The following KCNJ6 variants were observed in gnomAD, a reference collection of about 807,000 sequenced individuals.
KCNJ6 encodes G protein-activated inward rectifier potassium channel 2.
In KCNJ6, 9 loss-of-function variants were observed where a neutral mutation model predicts 34.2. The ratio of observed to expected loss-of-function variants is 0.26; its 90% CI spans 0.16 to 0.46. The LOEUF (loss-of-function observed/expected upper bound fraction) is 0.46, where lower values mean the gene tolerates loss of function less well. Ranked by LOEUF, KCNJ6 falls within the 20% of genes least tolerant of loss-of-function variation. The pLI is 1.00. For synonymous variants in KCNJ6, 196 were observed against 207.1 expected (o/e 0.95, Z 0.46); for missense variants, 236 against 531.3 (o/e 0.44, Z 5.46).
At chr21:37,802,378 G>A (rs551371942) in intron 2 of KCNJ6, among the ~76,000 whole-genome samples, 1 of 152,100 alleles carries the variant, frequency 6.6e-6, no homozygotes, top group African/African-American at 2.4e-5. Context: ...TTAAAGGAAG[G>A]CTCTTGTGAA....
intron 2 of KCNJ6, among the ~76,000 whole-genome samples, chr21:37,812,556 A>T (rs186903297): frequency 2.8e-4 from 42 of 152,362 alleles, no homozygotes; most frequent in African/African-American, 9.6e-4. Context: ...CACATTAAAA[A>T]GATCACTCAT....
At chr21:37,774,371 T>G (rs1371087084) in intron 2 of KCNJ6, among the ~76,000 whole-genome samples, 3 of 152,184 alleles carry the variant, frequency 2.0e-5, no homozygotes, top group Non-Finnish European at 4.4e-5. Flanking sequence ...TATTATACTT[T>G]AAGTTTTAGG....
At chr21:37,737,061 T>C (rs1296108226) in intron 2 of KCNJ6, among the ~76,000 whole-genome samples, 1 of 152,190 alleles carries the variant, frequency 6.6e-6, no homozygotes, top group East Asian at 1.9e-4. Flanking sequence ...TATTGTGTGA[T>C]GTTCTTTTCC....
intron 2 of KCNJ6, among the ~76,000 whole-genome samples, chr21:37,774,711 G>A (rs2055133833): frequency 6.6e-6 from 1 of 152,148 alleles, no homozygotes; most frequent in African/African-American, 2.4e-5. Flanking sequence ...AGTATTCCAT[G>A]GTGTATATGT....
In KCNJ6 at chr21:37,612,726, A is replaced by G. The variant is rs1367877026; in HGVS notation, c.*12433T>C. On this transcript the variant is annotated 3_prime_UTR_variant, in exon 4 of 4. Transcript: ENST00000609713. ...CTGCACATTTGCACATCCACAGGCA[A>G]AAAAAAAAAAAAAAAAAAGAGTCTA... is the stretch of plus-strand genomic sequence containing the variant. 4.7e-5 allele frequency: 1 copy of G among 21,146 alleles called. No individual in the cohort carries two copies. The highest frequency in any genetic ancestry group is 8.0e-5 in the Non-Finnish European group (1 of 12,576). 1.3% of individuals were successfully genotyped at this position (21,146 alleles called of 1,614,324 possible).
At chr21:37,875,097 C>T (rs555283221) in intron 1 of KCNJ6, among the ~76,000 whole-genome samples, 2 of 152,290 alleles carry the variant, frequency 1.3e-5, no homozygotes, top group African/African-American at 4.8e-5. Flanking sequence ...CTCATGGGGA[C>T]ACATGCTCCT....
intron 2 of KCNJ6, among the ~76,000 whole-genome samples, chr21:37,727,242 A>G (rs745852638): frequency 1.2e-4 from 19 of 152,106 alleles, no homozygotes; most frequent in Non-Finnish European, 2.4e-4. Context: ...CTTTTGTTTT[A>G]AGCTGCCCAG....
chr21:37,815,468 T>C (rs2055342324), intron 2 of KCNJ6, among the ~76,000 whole-genome samples: 1 of 152,158 alleles, frequency 6.6e-6, no homozygotes, highest in South Asian at 2.1e-4. Context: ...GGTGTGACCA[T>C]TGGAGTGGTG....
At chr21:37,726,346 C>A (rs979519756) in intron 2 of KCNJ6, among the ~76,000 whole-genome samples, 1 of 152,136 alleles carries the variant, frequency 6.6e-6, no homozygotes, top group African/African-American at 2.4e-5. Context: ...TGTCTGTTGG[C>A]TCTTGTCAGA....
At chr21:37,663,273 T>A (rs1271332895) in intron 3 of KCNJ6, among the ~76,000 whole-genome samples, 3 of 152,112 alleles carry the variant, frequency 2.0e-5, no homozygotes, top group Admixed American at 6.6e-5. Flanking sequence ...ATTTACAGTA[T>A]GCTAGAAAAA....
chr21:37,844,029 ACCT>A (rs889853391), intron 1 of KCNJ6, among the ~76,000 whole-genome samples: 2 of 148,470 alleles, frequency 1.3e-5, no homozygotes, highest in African/African-American at 2.5e-5. Flanking sequence ...CCTGCTGTCC[ACCT>A]CTTCTTCCTT....
chr21:37,863,855 TTTTTG>T lies in KCNJ6; in HGVS notation c.-27-23151_-27-23147del, dbSNP rs1284901573. On this transcript the variant is annotated intron_variant, in intron 1 of 3. Transcript: ENST00000609713. Reference sequence around the variant, plus strand: ...ATTTTAAAATATAAAGGTTTTTTTTTTTTTGTTTTTTTTTTTTTTTGGTGAAGAGA... The same window carrying T: ...ATTTTAAAATATAAAGGTTTTTTTTTTTTTTTTTTTTTTTTGGTGAAGAGA... 3.4e-4 allele frequency among the ~76,000 whole-genome samples: 28 copies of T among 82,094 alleles called. 3 individuals are homozygous for T. The highest frequency in any genetic ancestry group is 5.1e-4 in the South Asian group (1 of 1,962). The allele number at this position is 82,094 out of a possible 152,430, so 53.9% of individuals were successfully genotyped here.
intron 2 of KCNJ6, among the ~76,000 whole-genome samples, chr21:37,732,943 G>A (rs532622126): frequency 1.3e-5 from 2 of 152,134 alleles, no homozygotes; most frequent in African/African-American, 4.8e-5. Context: ...GCAAGAAAAG[G>A]GGGGGCTGGC....
chr21:37,873,900 T>C (rs1232248197), intron 1 of KCNJ6, among the ~76,000 whole-genome samples: 2 of 152,160 alleles, frequency 1.3e-5, no homozygotes, highest in Non-Finnish European at 1.5e-5. Context: ...ACCTCATTCC[T>C]CAGCATTTTT....
intron 2 of KCNJ6, among the ~76,000 whole-genome samples, chr21:37,730,602 C>T (rs1405092526): frequency 6.6e-6 from 1 of 152,226 alleles, no homozygotes; most frequent in Non-Finnish European, 1.5e-5. Context: ...ATAAGCTCAA[C>T]ATTGTCCTGG....
At chr21:37,798,475 C>T (rs11088406) in intron 2 of KCNJ6, among the ~76,000 whole-genome samples, 3 of 151,794 alleles carry the variant, frequency 2.0e-5, no homozygotes, top group East Asian at 1.9e-4. Flanking sequence ...CACACAAAAA[C>T]GTCCAAGGCA....
At chr21:37,880,389 C>T (rs1302448374) in intron 1 of KCNJ6, among the ~76,000 whole-genome samples, 3 of 152,236 alleles carry the variant, frequency 2.0e-5, no homozygotes, top group Non-Finnish European at 4.4e-5. Flanking sequence ...GGGGGAAACT[C>T]AGACTCTCGC....
intron 2 of KCNJ6, among the ~76,000 whole-genome samples, chr21:37,764,182 A>G (rs1194601375): frequency 1.3e-5 from 2 of 152,148 alleles, no homozygotes; most frequent in Non-Finnish European, 2.9e-5. Context: ...AGGGTCTGGT[A>G]ATGCAAGAGG....
rs2054285286 is a variant in KCNJ6 at position 37,619,997 on chromosome 21, C to G, written c.*5162G>C. The G allele has an allele frequency of 6.6e-6, 1 of 152,054 alleles. No homozygotes were observed. Among genetic ancestry groups the G allele is most frequent in the Non-Finnish European group, 1.5e-5 (1 of 68,008 alleles). 9.4% of individuals were successfully genotyped at this position (152,054 alleles called of 1,614,324 possible). A position where few individuals can be genotyped will look rare whatever the true frequency, so the allele number is the denominator to read the frequency against. ...GACCCTAACTGAATGACTGGGCTCT[C>G]TAAGTCTTGTGAAGCAGTTGTCTCT... On this transcript the variant is annotated 3_prime_UTR_variant, in exon 4 of 4. Transcript: ENST00000609713.
Sources: allele counts gnomAD v4.1 joint callset (sites outside exome capture counted in the v4.1 genomes callset), GRCh38; gene constraint gnomAD v4.1.1; transcripts MANE v1.5; gene names NCBI Gene and HGNC (gene_info 2026-07-23, HGNC 2026-07-21).